MYO16: variants seen among roughly 807,000 people sequenced by gnomAD.
MYO16 encodes the protein unconventional myosin-XVI.
MYO16 carries 94 observed loss-of-function variants against 205.3 expected under a neutral mutation model. The ratio of observed to expected loss-of-function variants is 0.46; its 90% CI spans 0.39 to 0.54. The LOEUF is 0.54. Among genes scored for constraint, MYO16 ranks in the 20% least tolerant of loss-of-function variants. The pLI is 0.00. For missense variants in MYO16, 2,315 were observed against 2,387.5 expected (o/e 0.97, Z 0.63); for synonymous variants, 988 against 954.0 (o/e 1.04, Z -0.66).
At position 109,127,505 on chromosome 13, in the gene MYO16, G is replaced by T. The variant is rs767294384; in HGVS notation, c.4006G>T (p.Ala1336Ser). ...CACCCGGCTGAGTGCTTCCTATGAG[G>T]CTGTGAGCGCCTGCCTCTCCGCGGC... The part of the protein sequence containing the change: ...PNTRLSASYE[A>S]VSACLSAARE... Residue 1336 changes from alanine to serine, a missense_variant, in exon 31 of 35, where the codon GCT (alanine) becomes TCT (serine). Around this residue, in one of 3 missense-constraint regions of MYO16, gnomAD observed 1,097 missense variants for 1,092.0 expected, o/e 1.00. Transcript: ENST00000457511. This position sits in a 1 kb window ranked among gnomAD's most constrained non-coding sequence, Gnocchi z 4.2. 5 of 1,612,908 alleles carry T rather than the reference G, an allele frequency of 3.1e-6. No individual in the cohort carries two copies. In the East Asian group the frequency reaches 1.1e-4, roughly 36 times the overall value.
intron 23 of MYO16, among the ~76,000 whole-genome samples, chr13:109,021,965 A>T (rs1886038326): frequency 2.0e-5 from 3 of 151,718 alleles, no homozygotes; most frequent in Non-Finnish European, 2.9e-5. Context: ...AGTTAGGCTA[A>T]ACAGGAGCTT....
chr13:108,521,681 G>A, the MYO16 span, among the ~76,000 whole-genome samples: 1 of 152,018 alleles, frequency 6.6e-6, no homozygotes, highest in Non-Finnish European at 1.5e-5. Context: ...CCTGACATTT[G>A]GGACCTTAAG....
intron 9 of MYO16, among the ~76,000 whole-genome samples, chr13:108,825,966 C>A (rs1876240262): frequency 6.6e-6 from 1 of 151,834 alleles, no homozygotes; most frequent in Non-Finnish European, 1.5e-5. Flanking sequence ...GATTAAAGAG[C>A]CTAAATATAT....
chr13:108,714,462 G>A (rs2139555042), intron 3 of MYO16, among the ~76,000 whole-genome samples: 1 of 152,180 alleles, frequency 6.6e-6, no homozygotes, highest in South Asian at 2.1e-4. Flanking sequence ...GCTGTTACTA[G>A]GAAAGTGTTA....
At chr13:108,614,339 G>C (rs1594144430) in intron 1 of MYO16, among the ~76,000 whole-genome samples, 1 of 152,050 alleles carries the variant, frequency 6.6e-6, no homozygotes, top group Non-Finnish European at 1.5e-5. Context: ...CCCTCAAAGG[G>C]AAAGGCATTC....
intron 10 of MYO16, among the ~76,000 whole-genome samples, chr13:108,845,879 ATT>A (rs36012072): frequency 0.036 from 5,328 of 148,898 alleles, 176 homozygotes; most frequent in East Asian, 0.12. Flanking sequence ...ATTCTCTGCC[ATT>A]TTTTTTTTTA....
the MYO16 span, among the ~76,000 whole-genome samples, chr13:108,549,552 A>T: frequency 6.6e-6 from 1 of 152,170 alleles, no homozygotes; most frequent in Non-Finnish European, 1.5e-5. Flanking sequence ...CAACATAAAT[A>T]GAGTAAGGAG....
chr13:109,024,042 TTATA>T (rs1016297938), intron 23 of MYO16, among the ~76,000 whole-genome samples: 4 of 145,154 alleles, frequency 2.8e-5, no homozygotes, highest in Non-Finnish European at 3.0e-5. Context: ...ATATTTATAT[TTATA>T]TATAAATTCT....
At chr13:108,576,198 C>T in the MYO16 span, among the ~76,000 whole-genome samples, 2 of 152,198 alleles carry the variant, frequency 1.3e-5, no homozygotes, top group African/African-American at 4.8e-5. Flanking sequence ...AGATGTAGCA[C>T]TAGAGACAGG....
At chr13:108,839,081 A>T (rs889755572) in intron 9 of MYO16, among the ~76,000 whole-genome samples, 6 of 152,082 alleles carry the variant, frequency 3.9e-5, no homozygotes, top group African/African-American at 9.7e-5. Context: ...TTGAGGGATG[A>T]CATCTCATGA....
intron 1 of MYO16, among the ~76,000 whole-genome samples, chr13:108,647,818 C>G (rs892816425): frequency 2.0e-5 from 3 of 152,166 alleles, no homozygotes; most frequent in African/African-American, 7.2e-5. Context: ...TTGTAACCAT[C>G]AAATGTCTAA....
chr13:108,953,569 G>GTT (rs544288739), intron 16 of MYO16, among the ~76,000 whole-genome samples: 4 of 132,342 alleles, frequency 3.0e-5, no homozygotes, highest in Non-Finnish European at 6.7e-5. Flanking sequence ...TTTGAGTTTT[G>GTT]TTTTTTTTTT....
At chr13:109,111,494 G>A (rs1279479978) in intron 28 of MYO16, among the ~76,000 whole-genome samples, 1 of 152,160 alleles carries the variant, frequency 6.6e-6, no homozygotes, top group East Asian at 1.9e-4. Context: ...AACTACGATA[G>A]TACATATCCT....
chr13:108,778,573 C>T (rs970671363), intron 4 of MYO16, among the ~76,000 whole-genome samples: 4 of 152,276 alleles, frequency 2.6e-5, no homozygotes, highest in African/African-American at 7.2e-5. Flanking sequence ...CAGCCAAGAT[C>T]GCGCCACTGC....
chr13:108,821,198 C>A (rs1008125333), intron 8 of MYO16, among the ~76,000 whole-genome samples: 8 of 148,472 alleles, frequency 5.4e-5, no homozygotes, highest in Non-Finnish European at 9.2e-5. Flanking sequence ...CTTAAATGTA[C>A]TTTACTTTTG....
intron 9 of MYO16, among the ~76,000 whole-genome samples, chr13:108,830,588 C>T (rs375491395): frequency 1.5e-5 from 2 of 130,788 alleles, no homozygotes; most frequent in Admixed American, 9.4e-5. Context: ...GGAAGGGGAA[C>T]ATCACAGTCT....
intron 6 of MYO16, 117 bp downstream of exon 6, chr13:108,793,757 T>A (rs1226492996): frequency 1.7e-6 from 2 of 1,186,484 alleles, no homozygotes; most frequent in Non-Finnish European, 2.3e-6. Flanking sequence ...AAGTAATACA[T>A]GTCAATTGTA....
chr13:109,076,356 A>C (rs1888102115), intron 27 of MYO16, among the ~76,000 whole-genome samples: 1 of 152,030 alleles, frequency 6.6e-6, no homozygotes, highest in African/African-American at 2.4e-5. Context: ...GTGATAGGAA[A>C]TCTTTCTTCT....
intron 9 of MYO16, among the ~76,000 whole-genome samples, chr13:108,841,313 T>C (rs988125961): frequency 1.3e-5 from 2 of 152,150 alleles, no homozygotes; most frequent in African/African-American, 4.8e-5. Context: ...TAAATGAAAG[T>C]GAAAGTCATT....
Sources: allele counts gnomAD v4.1 joint callset (sites outside exome capture counted in the v4.1 genomes callset), GRCh38; gene constraint gnomAD v4.1.1; regional missense constraint gnomAD v4.1.1; non-coding constraint Gnocchi (gnomAD v3.1); transcripts MANE v1.5; gene names NCBI Gene and HGNC (gene_info 2026-07-23, HGNC 2026-07-21).